The following NSMCE2 variants were observed in gnomAD, a reference collection of about 807,000 sequenced individuals.
The protein encoded by NSMCE2 is NSE2 SUMO ligase component of SMC5/6 complex.
NSMCE2 carries 24 observed loss-of-function variants against 23.8 expected under a neutral mutation model. The ratio of observed to expected loss-of-function variants is 1.01; its 90% CI spans 0.73 to 1.42. The LOEUF is 1.42. NSMCE2 is among the 40% of genes most tolerant of loss of function. The pLI is 0.00. For missense variants in NSMCE2, 284 were observed against 296.5 expected, an observed-to-expected ratio of 0.96 and a Z score of 0.31; for synonymous variants, 92 against 94.1, an observed-to-expected ratio of 0.98 and a Z score of 0.13.
intron 3 of NSMCE2, among the ~76,000 whole-genome samples, chr8:125,112,847 T>C (rs1818832252): frequency 6.6e-6 from 1 of 152,324 alleles, no homozygotes; most frequent in South Asian, 2.1e-4. Context: ...CTATAGTTAA[T>C]AACTATTATA....
intron 5 of NSMCE2, among the ~76,000 whole-genome samples, chr8:125,227,321 T>C (rs1419165119): frequency 6.6e-6 from 1 of 152,144 alleles, no homozygotes; most frequent in African/African-American, 2.4e-5. Flanking sequence ...CCATCAGTCC[T>C]TCAGATAGCA....
chr8:125,125,769 TCAGAGA>T (rs1819488645), intron 3 of NSMCE2, among the ~76,000 whole-genome samples: 1 of 152,112 alleles, frequency 6.6e-6, no homozygotes. Context: ...AGCTTATGAG[TCAGAGA>T]CAAAGGTCTT....
intron 5 of NSMCE2, among the ~76,000 whole-genome samples, chr8:125,336,623 A>G (rs1188384886): frequency 6.6e-6 from 1 of 152,256 alleles, no homozygotes; most frequent in Non-Finnish European, 1.5e-5. Context: ...GTTGGCTACA[A>G]GGAAATTCAC....
Position 125,340,012 on chromosome 8 carries a change from G to GTTT in NSMCE2, c.419-17189_419-17187dup, listed in dbSNP as rs752038710. Among the ~76,000 whole-genome samples the GTTT allele has an allele frequency of 9.2e-3, 946 of 102,790 alleles. 41 individuals are homozygous for GTTT. Among genetic ancestry groups the GTTT allele is most frequent in the Middle Eastern group, 0.025 (4 of 162 alleles). 67.4% of individuals were successfully genotyped at this position (102,790 alleles called of 152,430 possible). The stretch of plus-strand genomic sequence containing the variant: ...GCCTCCGACGTTGTAGTTTTTTTTT[G>GTTT]TTTTTTTTTTTTTTTTTTTTGAGAC... On this transcript the variant is annotated intron_variant, in intron 5 of 7. Coordinates refer to ENST00000287437, the MANE Select transcript of NSMCE2 (RefSeq NM_173685.4).
chr8:125,194,921 G>A (rs1422257139), intron 5 of NSMCE2, among the ~76,000 whole-genome samples: 1 of 151,650 alleles, frequency 6.6e-6, no homozygotes, highest in Non-Finnish European at 1.5e-5. Flanking sequence ...TTGTCTATTA[G>A]CATATCTTCT....
intron 4 of NSMCE2, among the ~76,000 whole-genome samples, chr8:125,160,957 A>T (rs951113970): frequency 7.2e-5 from 11 of 152,260 alleles, no homozygotes; most frequent in Non-Finnish European, 1.2e-4. Flanking sequence ...GATGTATCAC[A>T]TGCAGGTTGT....
intron 5 of NSMCE2, among the ~76,000 whole-genome samples, chr8:125,196,977 C>G (rs1007968787): frequency 1.3e-5 from 2 of 152,154 alleles, no homozygotes; most frequent in Non-Finnish European, 1.5e-5. Flanking sequence ...TTTCATGCGT[C>G]TGTTGGCCGC....
chr8:125,140,058 C>T (rs541143692), intron 3 of NSMCE2, among the ~76,000 whole-genome samples: 1 of 152,338 alleles, frequency 6.6e-6, no homozygotes, highest in African/African-American at 2.4e-5. Context: ...CCAAGAACCT[C>T]ACAGCAATGG....
intron 5 of NSMCE2, among the ~76,000 whole-genome samples, chr8:125,232,888 T>G (rs1825387795): frequency 6.6e-6 from 1 of 152,246 alleles, no homozygotes; most frequent in Non-Finnish European, 1.5e-5. Context: ...GTGAATGAGT[T>G]ATTCTCTGAC....
chr8:125,331,124 A>G (rs1276149449), intron 5 of NSMCE2, among the ~76,000 whole-genome samples: 2 of 151,948 alleles, frequency 1.3e-5, no homozygotes, highest in East Asian at 3.9e-4. Flanking sequence ...ACATGGTGAA[A>G]CCCCGTCTCT....
chr8:125,357,676 A>T, intron 6 of NSMCE2, 36 bp from the exon 7 acceptor site: 1 of 1,475,924 alleles, frequency 6.8e-7, no homozygotes, highest in South Asian at 1.1e-5. Flanking sequence ...GTTGATCATT[A>T]TCATTCCTGA....
At chr8:125,107,383 G>T (rs1818516144) in intron 3 of NSMCE2, among the ~76,000 whole-genome samples, 2 of 151,786 alleles carry the variant, frequency 1.3e-5, no homozygotes, top group African/African-American at 4.8e-5. Context: ...TAGTGGAGAC[G>T]GGGTTTCACC....
In NSMCE2 at chr8:125,146,663, G is replaced by A. The variant is rs368488591; in HGVS notation, c.158-4508G>A. Among the ~76,000 whole-genome samples, 14 of 152,140 alleles carry A rather than the reference G, an allele frequency of 9.2e-5. No individual in the cohort carries two copies. The East Asian group carries it at 1.5e-3, about 17-fold the overall frequency. ...TCGCAAGGACAGAAAACCAAACACC[G>A]CATGTTCTCACTCATAGGTGGGAAT... is the stretch of plus-strand genomic sequence containing the variant. On this transcript the variant is annotated intron_variant, in intron 3 of 7. Transcript: ENST00000287437.
chr8:125,278,792 T>C (rs992509280), intron 5 of NSMCE2, among the ~76,000 whole-genome samples: 5 of 152,152 alleles, frequency 3.3e-5, no homozygotes, highest in African/African-American at 1.2e-4. Context: ...CAAAAATTGC[T>C]GTAGACTTTA....
At chr8:125,256,696 C>T (rs1177757934) in intron 5 of NSMCE2, among the ~76,000 whole-genome samples, 5 of 151,838 alleles carry the variant, frequency 3.3e-5, no homozygotes, top group Middle Eastern at 3.4e-3. Context: ...GAGGCCGAGG[C>T]GGGTGGATCA....
chr8:125,129,841 G>A (rs968591686), intron 3 of NSMCE2, among the ~76,000 whole-genome samples: 2 of 151,864 alleles, frequency 1.3e-5, no homozygotes, highest in Non-Finnish European at 2.9e-5. Flanking sequence ...TACCAAAGTT[G>A]TAGATAGTGG....
At chr8:125,165,940 G>C (rs1045488222) in intron 4 of NSMCE2, among the ~76,000 whole-genome samples, 7 of 152,170 alleles carry the variant, frequency 4.6e-5, no homozygotes, top group Non-Finnish European at 8.8e-5. Context: ...TAGGCTGCTA[G>C]ATGGGAGTGA....
At chr8:125,174,708 G>A (rs751080131) in intron 4 of NSMCE2, among the ~76,000 whole-genome samples, 1 of 152,180 alleles carries the variant, frequency 6.6e-6, no homozygotes, top group Non-Finnish European at 1.5e-5. Flanking sequence ...AAGGAGGAAA[G>A]GTGTTTCCAT....
At chr8:125,124,944 G>A (rs1488397485) in intron 3 of NSMCE2, among the ~76,000 whole-genome samples, 4 of 152,042 alleles carry the variant, frequency 2.6e-5, no homozygotes, top group South Asian at 2.1e-4. Context: ...ACAGGTGCCC[G>A]CCATCACACC....
Sources: gnomAD v4.1 joint callset for allele counts (sites outside exome capture counted in the v4.1 genomes callset) on GRCh38, gnomAD v4.1.1 for gene constraint, MANE v1.5 for transcripts, NCBI Gene and HGNC (gene_info 2026-07-23, HGNC 2026-07-21) for gene names.